TANGO2: variants seen among roughly 807,000 people sequenced by gnomAD.
The protein encoded by TANGO2 is transport and golgi organization 2 homolog, also known as transport and Golgi organization protein 2 homolog.
Under a neutral mutation model 39.1 loss-of-function variants are expected in TANGO2, and 26 were observed. The ratio of observed to expected loss-of-function variants is 0.67; its 90% CI spans 0.49 to 0.92. The LOEUF (loss-of-function observed/expected upper bound fraction) is 0.92. Among genes scored for constraint, TANGO2 ranks in the 40% least tolerant of loss-of-function variants. The pLI, the probability that TANGO2 is intolerant of heterozygous loss-of-function variation, is 0.00. For missense variants in TANGO2, 326 were observed against 360.1 expected (o/e 0.91, Z 0.77); for synonymous variants, 131 against 144.5 (o/e 0.91, Z 0.67).
At chr22:20,058,867 T>G (rs2047862072) in intron 6 of TANGO2, among the ~76,000 whole-genome samples, 1 of 152,096 alleles carries the variant, frequency 6.6e-6, no homozygotes, top group Non-Finnish European at 1.5e-5. Context: ...CCATACATAT[T>G]TATGAGGGGA....
intron 1 of TANGO2, among the ~76,000 whole-genome samples, chr22:20,036,080 C>T (rs555779710): frequency 1.3e-5 from 2 of 152,196 alleles, no homozygotes; most frequent in African/African-American, 2.4e-5. Flanking sequence ...CTACTTAGGT[C>T]GTAAGTTAAA....
intron 1 of TANGO2, among the ~76,000 whole-genome samples, chr22:20,029,327 C>T (rs1243914054): frequency 6.6e-6 from 1 of 152,152 alleles, no homozygotes; most frequent in Non-Finnish European, 1.5e-5. Flanking sequence ...GGAGAGTTCT[C>T]GAAAGCATCA....
chr22:20,054,027 A>G (rs2046903053), intron 5 of TANGO2: 1 of 316,920 alleles, frequency 3.2e-6, no homozygotes, highest in South Asian at 2.5e-5. Flanking sequence ...AAAGCCCCAG[A>G]ACTTGGCCAA....
chr22:20,043,501 G>A (rs770425243), intron 3 of TANGO2, 58 bp downstream of exon 3: 26 of 1,226,172 alleles, frequency 2.1e-5, no homozygotes, highest in South Asian at 6.4e-5. Flanking sequence ...TAGCCCCTGC[G>A]TGGCCCGAGT....
At chr22:20,059,510 C>T (rs1195910465) in intron 6 of TANGO2, among the ~76,000 whole-genome samples, 2 of 152,186 alleles carry the variant, frequency 1.3e-5, no homozygotes, top group Admixed American at 6.5e-5. Context: ...GCAGTGTATG[C>T]GGGTTGCAGC....
In TANGO2 at chr22:20,063,406, C is replaced by G. The variant is rs759993183; in HGVS notation, c.674C>G (p.Ala225Gly). 3.7e-6 allele frequency: 6 copies of G among 1,613,276 alleles called. No individual in the cohort carries two copies. The Admixed American group carries it at 1.0e-4, about 27-fold the overall frequency. Reference protein sequence around the residue: ...EYVQPMLSKYAAVCVRCPGYG... With the variant: ...EYVQPMLSKYGAVCVRCPGYG... ...GTGCAGCCCATGCTGAGCAAGTACG[C>G]GGCTGTGTGCGTGCGCTGCCCTGGC... is the stretch of plus-strand genomic sequence containing the variant. Residue 225 changes from alanine (A) to glycine (G), a missense_variant, in exon 8 of 9, where the codon GCG becomes GGG. Transcript: ENST00000327374.
chr22:20,037,257 G>T (rs1478910586), intron 2 of TANGO2, among the ~76,000 whole-genome samples: 2 of 152,176 alleles, frequency 1.3e-5, no homozygotes, highest in African/African-American at 4.8e-5. Flanking sequence ...CAGGCTAGGG[G>T]TCTGTGGGTG....
chr22:20,056,662 TG>T (rs1046162924), intron 6 of TANGO2: 4 of 456,540 alleles, frequency 8.8e-6, no homozygotes, highest in African/African-American at 8.0e-5. Context: ...TGTGTCACAT[TG>T]CCCCCCTCTG....
chr22:20,026,074 C>T (rs942549978), intron 1 of TANGO2, among the ~76,000 whole-genome samples: 1 of 152,224 alleles, frequency 6.6e-6, no homozygotes, highest in Non-Finnish European at 1.5e-5. Flanking sequence ...CACCTCACAG[C>T]AGTCGCACAG....
intron 1 of TANGO2, among the ~76,000 whole-genome samples, chr22:20,036,413 C>G (rs752100715): frequency 2.0e-5 from 3 of 152,226 alleles, no homozygotes; most frequent in Admixed American, 1.3e-4. Context: ...AAGTTTGTTT[C>G]TCACAGTGTG....
intron 1 of TANGO2, 94 bp from the exon 2 acceptor site, chr22:20,036,666 G>T: frequency 9.4e-7 from 1 of 1,065,872 alleles, no homozygotes; most frequent in Non-Finnish European, 1.4e-6. Flanking sequence ...AGACACCACA[G>T]AGGTGGTTCT....
intron 5 of TANGO2, chr22:20,054,007 C>A: frequency 3.1e-6 from 1 of 323,164 alleles, no homozygotes; most frequent in Admixed American, 4.5e-5. Context: ...TCCTGCCCTC[C>A]TCCCCCTCCA....
chr22:20,047,918 A>G (rs995948496), intron 3 of TANGO2: 2 of 150,238 alleles, frequency 1.3e-5, no homozygotes, highest in African/African-American at 4.9e-5. Context: ...ATGAGATCTG[A>G]TAGTGTTTTG....
intron 7 of TANGO2, among the ~76,000 whole-genome samples, chr22:20,062,329 C>A (rs972830624): frequency 6.6e-6 from 1 of 152,162 alleles, no homozygotes; most frequent in Non-Finnish European, 1.5e-5. Flanking sequence ...ATCCCTCGCT[C>A]CCCACCCAGG....
intron 1 of TANGO2, among the ~76,000 whole-genome samples, chr22:20,027,695 A>C (rs1242805946): frequency 2.0e-5 from 3 of 151,064 alleles, no homozygotes; most frequent in Non-Finnish European, 4.4e-5. Context: ...GCAGCCTCAA[A>C]CTCCTGGGCT....
intron 6 of TANGO2, among the ~76,000 whole-genome samples, chr22:20,058,895 TA>T (rs1294762727): frequency 2.6e-5 from 4 of 152,090 alleles, no homozygotes; most frequent in African/African-American, 9.7e-5. Context: ...ACATATGCAA[TA>T]GATAAACATA....
intron 2 of TANGO2, among the ~76,000 whole-genome samples, chr22:20,037,907 A>C (rs531194306): frequency 3.3e-5 from 5 of 152,238 alleles, no homozygotes; most frequent in Admixed American, 2.0e-4. Context: ...ACCATCCTGG[A>C]TAACACATCT....
upstream of TANGO2, among the ~76,000 whole-genome samples, chr22:20,020,882 C>T (rs1469432306): frequency 6.6e-6 from 1 of 152,136 alleles, no homozygotes; most frequent in East Asian, 1.9e-4. Flanking sequence ...CCCCGAAGGC[C>T]GCTGGATCAG....
At chr22:20,050,912 C>T (rs573612046) in intron 3 of TANGO2, among the ~76,000 whole-genome samples, 3 of 149,626 alleles carry the variant, frequency 2.0e-5, no homozygotes, top group African/African-American at 7.4e-5. Flanking sequence ...ACTGCAACCT[C>T]CACCTCCCGG....
Sources: allele counts gnomAD v4.1 joint callset (sites outside exome capture counted in the v4.1 genomes callset), GRCh38; gene constraint gnomAD v4.1.1; transcripts MANE v1.5; gene names NCBI Gene and HGNC (gene_info 2026-07-23, HGNC 2026-07-21).